Variants in MFSD1 observed in about 807,000 individuals in gnomAD.
The protein encoded by MFSD1 is major facilitator superfamily domain containing 1, also known as lysosomal dipeptide transporter MFSD1.
In MFSD1, 59 loss-of-function variants were observed where a neutral mutation model predicts 67.1. The observed-to-expected ratio is 0.88, with a 90% CI of 0.71 to 1.09. MFSD1 has a LOEUF of 1.09. Ranked by LOEUF, MFSD1 falls within the 50% of genes least tolerant of loss-of-function variation. The pLI is 0.00. For missense variants in MFSD1, 552 were observed against 566.1 expected (o/e 0.97, Z 0.25); for synonymous variants, 213 against 200.3 (o/e 1.06, Z -0.54).
At chr3:158,824,987 A>G (rs898127234) in intron 13 of MFSD1, among the ~76,000 whole-genome samples, 2 of 152,200 alleles carry the variant, frequency 1.3e-5, no homozygotes, top group Non-Finnish European at 2.9e-5. Context: ...TTAAAAATAA[A>G]TGTTTAAAAA....
chr3:158,823,019 G>T (rs192769994), intron 11 of MFSD1: 73 of 183,118 alleles, frequency 4.0e-4, no homozygotes, highest in Admixed American at 3.3e-3. Flanking sequence ...TGGCTCAGAC[G>T]TAGGATGATG....
chr3:158,827,877 T>C (rs1006334458), intron 15 of MFSD1, among the ~76,000 whole-genome samples: 11 of 148,388 alleles, frequency 7.4e-5, no homozygotes, highest in African/African-American at 2.5e-4. Flanking sequence ...TAAGTTGTTC[T>C]CTGTGAGACA....
rs747602995 is a variant in MFSD1 at position 158,821,630 on chromosome 3, C to T, written c.897C>T (p.Ser299=). ...TTACAGAGAAATTTGGATTTTCTTC[C>T]CAGGCAGCAAGTGCAATTAACAGGT... ...VFFTEKFGFS[S]QAASAINSVV... The change falls in exon 10 of 16, where the codon TCC becomes TCT. Residue 299 remains serine (S), a synonymous_variant. Transcript: ENST00000415822. The T allele has an allele frequency of 1.6e-5, 25 of 1,609,712 alleles. No individual in the cohort carries two copies. The highest frequency in any genetic ancestry group is 2.0e-5 in the Non-Finnish European group (24 of 1,177,842).
chr3:158,806,168 T>G (rs1729715372), intron 3 of MFSD1, among the ~76,000 whole-genome samples: 1 of 152,186 alleles, frequency 6.6e-6, no homozygotes, highest in Non-Finnish European at 1.5e-5. Flanking sequence ...TAAAGAAACT[T>G]TAAGAGTTTA....
At chr3:158,815,424 A>G (rs986068990) in intron 7 of MFSD1, among the ~76,000 whole-genome samples, 6 of 150,240 alleles carry the variant, frequency 4.0e-5, no homozygotes, top group African/African-American at 9.8e-5. Flanking sequence ...AGCTCAATAC[A>G]ATTCCTAGCA....
intron 6 of MFSD1, among the ~76,000 whole-genome samples, chr3:158,811,360 A>C (rs1730009045): frequency 6.6e-6 from 1 of 152,206 alleles, no homozygotes; most frequent in Non-Finnish European, 1.5e-5. Flanking sequence ...CATTCATCCA[A>C]GTGGAAATGT....
Position 158,827,312 on chromosome 3 carries a change from G to A in MFSD1, c.1369G>A (p.Glu457Lys), listed in dbSNP as rs1362656053. Residue 457 changes from glutamate to lysine, a missense_variant, in exon 15 of 16, where the codon GAA becomes AAA. Coordinates refer to ENST00000415822, the MANE Select transcript of MFSD1 (RefSeq NM_022736.4). ...GNLNYSARQR[E>K]EIKFSHTE Reference sequence around the variant, plus strand: ...CCTAAATTATTCTGCAAGACAAAGGGAAGAAATAAAATTTTCCCATACTGA... The same window carrying A: ...CCTAAATTATTCTGCAAGACAAAGGAAAGAAATAAAATTTTCCCATACTGA... 1.3e-6 allele frequency: 2 copies of A among 1,550,916 alleles called. No homozygotes were observed. The highest frequency in any genetic ancestry group is 1.7e-6 in the Non-Finnish European group (2 of 1,152,556).
rs562212577 is a variant in MFSD1, at chr3:158,824,407, C to G, written c.1288+171C>G. 4 of 596,224 alleles carry G rather than the reference C, an allele frequency of 6.7e-6. No individual in the cohort carries two copies. The South Asian group carries it at 8.5e-5, about 13-fold the overall frequency. 36.9% of individuals were successfully genotyped at this position (596,224 alleles called of 1,614,324 possible). Reference sequence around the variant, plus strand: ...TTCACAGGCATTTTTTAGGAGATTCCTATCCTTAAAGGCAGTGATTGAGTT... The same window carrying G: ...TTCACAGGCATTTTTTAGGAGATTCGTATCCTTAAAGGCAGTGATTGAGTT... On this transcript the variant is annotated intron_variant, in intron 13 of 15. Transcript: ENST00000415822.
chr3:158,828,752 G>A (rs1731137429), intron 15 of MFSD1, among the ~76,000 whole-genome samples: 1 of 147,608 alleles, frequency 6.8e-6, no homozygotes, highest in African/African-American at 2.5e-5. Context: ...CATATTAATT[G>A]AAACCTCAGA....
At chr3:158,828,543 C>T (rs1451143814) in intron 15 of MFSD1, among the ~76,000 whole-genome samples, 3 of 151,926 alleles carry the variant, frequency 2.0e-5, no homozygotes, top group Non-Finnish European at 4.4e-5. Flanking sequence ...ATGACACATC[C>T]ATGTGATATG....
chr3:158,803,860 T>C (rs1196024757), intron 1 of MFSD1, among the ~76,000 whole-genome samples: 2 of 152,174 alleles, frequency 1.3e-5, no homozygotes, highest in African/African-American at 4.8e-5. Flanking sequence ...GTTTGTAGAA[T>C]TAGAGAACTT....
At position 158,823,409 on chromosome 3, in the gene MFSD1, T is replaced by C. The variant is rs1465275717; in HGVS notation, c.1078-19T>C. 5.1e-6 allele frequency: 8 copies of C among 1,555,394 alleles called. No homozygotes were observed. In the African/African-American group the frequency reaches 1.1e-4, roughly 21 times the overall value. On this transcript the variant is annotated intron_variant, in intron 11 of 15. Transcript: ENST00000415822. ...TGGTTAATGTAAGACTGTGACCTTT[T>C]CTGCGTTGCTTTCTGTAGTGTCTTC...
chr3:158,826,136 T>C (rs749979735), intron 14 of MFSD1, 74 bp downstream of exon 14: 1 of 1,170,494 alleles, frequency 8.5e-7, no homozygotes, highest in Middle Eastern at 2.1e-4. Flanking sequence ...TCTGCCTCTT[T>C]GGGGGCCAGT....
At chr3:158,818,987 A>C (rs1272676105) in intron 7 of MFSD1, among the ~76,000 whole-genome samples, 2 of 152,230 alleles carry the variant, frequency 1.3e-5, no homozygotes, top group East Asian at 3.8e-4. Flanking sequence ...CGAATTTTCA[A>C]CCGGGCTGTG....
At chr3:158,826,122 T>G in intron 14 of MFSD1, 60 bp downstream of exon 14, 1 of 1,420,262 alleles carries the variant, frequency 7.0e-7, no homozygotes, top group Non-Finnish European at 1.0e-6. Flanking sequence ...GTGGGGTCTC[T>G]GGGTCTGCCT....
At chr3:158,810,992 A>G (rs1017843630) in intron 6 of MFSD1, among the ~76,000 whole-genome samples, 1 of 152,020 alleles carries the variant, frequency 6.6e-6, no homozygotes, top group African/African-American at 2.4e-5. Flanking sequence ...GTTGAGCAAG[A>G]CTCAACTGAC....
At chr3:158,806,987 GA>G (rs1317839227) in intron 3 of MFSD1, 52 bp from the exon 4 acceptor site, 7 of 1,459,772 alleles carry the variant, frequency 4.8e-6, no homozygotes, top group Non-Finnish European at 6.6e-6. Context: ...CAGAAATTAA[GA>G]TTTTTTTTTT....
Position 158,818,667 on chromosome 3 carries a change from A to G in MFSD1, c.653-982A>G, listed in dbSNP as rs550064597. On this transcript the variant is annotated intron_variant, in intron 7 of 15. Coordinates refer to ENST00000415822, the MANE Select transcript of MFSD1 (RefSeq NM_022736.4). ...AATTCCTTGGTCGATACAGCCTGGTAAAAGAAGACAGTGGAGTGGTAATCC... is the reference window on the plus strand; with the variant it reads ...AATTCCTTGGTCGATACAGCCTGGTGAAAGAAGACAGTGGAGTGGTAATCC... Among the ~76,000 whole-genome samples, 8 of 152,342 alleles carry G rather than the reference A, an allele frequency of 5.3e-5. No individual in the cohort carries two copies. In the South Asian group the frequency reaches 1.2e-3, roughly 24 times the overall value.
rs1056197432 is a variant in MFSD1 at position 158,826,649 on chromosome 3, T to A, written c.1336+587T>A. The stretch of plus-strand genomic sequence containing the variant: ...AATTTCAGGTCATTTCCTTTTTTTT[T>A]TATTTTAATAGTTTTTTTTTTCTTT... On this transcript the variant is annotated intron_variant, in intron 14 of 15. Transcript: ENST00000415822. Among the ~76,000 whole-genome samples the A allele has an allele frequency of 4.0e-5, 6 of 151,652 alleles. No individual in the cohort carries two copies. In the East Asian group the frequency reaches 1.2e-3, roughly 29 times the overall value.
Sources: gnomAD v4.1 joint callset for allele counts (sites outside exome capture counted in the v4.1 genomes callset) on GRCh38, gnomAD v4.1.1 for gene constraint, MANE v1.5 for transcripts, NCBI Gene and HGNC (gene_info 2026-07-23, HGNC 2026-07-21) for gene names.